Variants in DERA observed in about 807,000 individuals in gnomAD.
DERA encodes the protein deoxyribose-phosphate aldolase.
In DERA, 15 loss-of-function variants were observed where a neutral mutation model predicts 41.1. The ratio of observed to expected loss-of-function variants is 0.37; its 90% CI spans 0.24 to 0.56. The LOEUF (loss-of-function observed/expected upper bound fraction) is 0.56. Ranked by LOEUF, DERA falls within the 20% of genes least tolerant of loss-of-function variation. The pLI is 0.81. For missense variants in DERA, 396 were observed against 403.4 expected, an observed-to-expected ratio of 0.98 and a Z score of 0.16; for synonymous variants, 139 against 137.4, an observed-to-expected ratio of 1.01 and a Z score of -0.08.
In DERA at chr12:16,013,287, C is replaced by T. The variant is rs1364777971; in HGVS notation, c.638-19255C>T. ...GATATGGTTATGCTTTGTATCCCCA[C>T]CCAAATGTCATCTTGAATTGTAATC... On this transcript the variant is annotated intron_variant, in intron 6 of 8. Coordinates refer to ENST00000428559, the MANE Select transcript of DERA (RefSeq NM_015954.4). The surrounding 1 kb of genome is among the most constrained non-coding windows in gnomAD (Gnocchi z 5.8). Among the ~76,000 whole-genome samples the T allele has an allele frequency of 6.6e-6, 1 of 152,158 alleles. No homozygotes were observed. Among genetic ancestry groups the T allele is most frequent in the East Asian group, 1.9e-4 (1 of 5,198 alleles).
In DERA at chr12:15,957,454, A is replaced by G. The variant is rs1948548563; in HGVS notation, c.129+421A>G. Among the ~76,000 whole-genome samples, 1 of 152,128 alleles carries G rather than the reference A, an allele frequency of 6.6e-6. No homozygotes were observed. The highest frequency in any genetic ancestry group is 2.1e-4 in the South Asian group (1 of 4,824). On this transcript the variant is annotated intron_variant, in intron 2 of 8. Coordinates refer to ENST00000428559, the MANE Select transcript of DERA (RefSeq NM_015954.4). This position sits in a 1 kb window ranked among gnomAD's most constrained non-coding sequence, Gnocchi z 4.8. Reference sequence around the variant, plus strand: ...CTTTCTTGACCATCATATTTACCTTACTATTACTTTCTATAAATCATTTTT... The same window carrying G: ...CTTTCTTGACCATCATATTTACCTTGCTATTACTTTCTATAAATCATTTTT...
At chr12:15,997,836 C>T (rs543899324) in intron 6 of DERA, among the ~76,000 whole-genome samples, 85 of 152,270 alleles carry the variant, frequency 5.6e-4, no homozygotes, top group South Asian at 1.5e-3. Flanking sequence ...TTGCCTTTTC[C>T]CCATTATTTG....
In DERA at chr12:15,936,850, GTTGTC is replaced by G. The variant is rs71438362; in HGVS notation, c.32-20050_32-20046del. Among the ~76,000 whole-genome samples the G allele has an allele frequency of 6.1e-3, 789 of 129,486 alleles. 6 individuals carry two copies. The highest frequency in any genetic ancestry group is 0.011 in the African/African-American group (376 of 34,070). 84.9% of individuals were successfully genotyped at this position (129,486 alleles called of 152,430 possible). On this transcript the variant is annotated intron_variant, in intron 1 of 8. Transcript: ENST00000428559. This position sits in a 1 kb window ranked among gnomAD's most constrained non-coding sequence, Gnocchi z 4.6. ...CTTATTTCTGCATCTTCTGTCTTGTGTTGTCTTGTCTTGTCTTGTCTTGTCTTGTC... is the reference window on the plus strand; with the variant it reads ...CTTATTTCTGCATCTTCTGTCTTGTGTTGTCTTGTCTTGTCTTGTCTTGTC...
chr12:15,941,724 A>G lies in DERA; in HGVS notation c.32-15212A>G, dbSNP rs1371338492. Among the ~76,000 whole-genome samples, 2 of 152,246 alleles carry G rather than the reference A, an allele frequency of 1.3e-5. No individual in the cohort carries two copies. Among genetic ancestry groups the G allele is most frequent in the Non-Finnish European group, 2.9e-5 (2 of 68,048 alleles). On this transcript the variant is annotated intron_variant, in intron 1 of 8. Coordinates refer to ENST00000428559, the MANE Select transcript of DERA (RefSeq NM_015954.4). The surrounding 1 kb of genome is among the most constrained non-coding windows in gnomAD (Gnocchi z 4.5). ...ATTATTTCGTTTCCTTTTATGGCTCAGTACTCCATGATGTATATATACCAC... is the reference window on the plus strand; with the variant it reads ...ATTATTTCGTTTCCTTTTATGGCTCGGTACTCCATGATGTATATATACCAC...
intron 5 of DERA, among the ~76,000 whole-genome samples, chr12:15,968,987 G>A (rs1401332000): frequency 6.6e-6 from 1 of 152,210 alleles, no homozygotes; most frequent in East Asian, 1.9e-4. Context: ...TTACAAATGA[G>A]GGGCTAGGAC....
chr12:15,997,047 G>C (rs1948842956), intron 6 of DERA, among the ~76,000 whole-genome samples: 1 of 152,194 alleles, frequency 6.6e-6, no homozygotes, highest in South Asian at 2.1e-4. Flanking sequence ...TATAGCACAA[G>C]CCAGGAATCA....
At chr12:16,023,547 G>T (rs930813790) in intron 6 of DERA, among the ~76,000 whole-genome samples, 1 of 140,278 alleles carries the variant, frequency 7.1e-6, no homozygotes, top group African/African-American at 2.8e-5. Context: ...GCGGGATCTC[G>T]GCTCACTGCA....
chr12:15,958,354 A>T lies in DERA; in HGVS notation c.277+19A>T. The stretch of plus-strand genomic sequence containing the variant: ...GATAAAGGTAATGTTGTTGTGTGTG[A>T]TCTATGTGGTGTTTAGTGCTTACAA... On this transcript the variant is annotated intron_variant, in intron 3 of 8. Coordinates refer to ENST00000428559, the MANE Select transcript of DERA (RefSeq NM_015954.4). The T allele has an allele frequency of 6.3e-7, 1 of 1,585,150 alleles. No homozygotes were observed. Among genetic ancestry groups the T allele is most frequent in the Non-Finnish European group, 8.6e-7 (1 of 1,167,170 alleles).
chr12:16,007,702 G>T (rs4764240), intron 6 of DERA, among the ~76,000 whole-genome samples: 2 of 151,942 alleles, frequency 1.3e-5, no homozygotes, highest in Non-Finnish European at 2.9e-5. Context: ...CAGGCACATA[G>T]AAAAATTTCT....
In DERA at chr12:15,938,482, T is replaced by G. The variant is rs1482961518; in HGVS notation, c.32-18454T>G. ...AACACAAGTTGAATTATTACTCTGC[T>G]TTAATAAGCTTCTTAGCTGTATCAA... On this transcript the variant is annotated intron_variant, in intron 1 of 8. Coordinates refer to ENST00000428559, the MANE Select transcript of DERA (RefSeq NM_015954.4). The surrounding 1 kb of genome is among the most constrained non-coding windows in gnomAD (Gnocchi z 4.1). Among the ~76,000 whole-genome samples, 1 of 152,210 alleles carries G rather than the reference T, an allele frequency of 6.6e-6. No individual in the cohort carries two copies. Among genetic ancestry groups the G allele is most frequent in the Admixed American group, 6.5e-5 (1 of 15,278 alleles).
Position 15,959,814 on chromosome 12 carries a change from AT to A in DERA, c.278-9del. 6.6e-7 allele frequency: 1 copy of A among 1,523,992 alleles called. No homozygotes were observed. 94.4% of individuals were successfully genotyped at this position (1,523,992 alleles called of 1,614,324 possible). A position where few individuals can be genotyped will look rare whatever the true frequency, so the allele number is the denominator to read the frequency against. ...ACTTCATTGAAAGTTGGCTATTCCT[AT>A]TTTTTCTTGATAGGCATTACTACAG... On this transcript the variant is annotated splice_polypyrimidine_tract_variant and intron_variant, in intron 3 of 8. Coordinates refer to ENST00000428559, the MANE Select transcript of DERA (RefSeq NM_015954.4). The surrounding 1 kb of genome is among the most constrained non-coding windows in gnomAD (Gnocchi z 4.5).
intron 6 of DERA, among the ~76,000 whole-genome samples, chr12:16,015,995 A>G (rs1948979181): frequency 6.6e-6 from 1 of 151,930 alleles, no homozygotes; most frequent in South Asian, 2.1e-4. Context: ...GTTATGGTGA[A>G]CCCTCTTCAG....
chr12:15,981,529 A>G lies in DERA; in HGVS notation c.509-779A>G, dbSNP rs1948732858. 6.6e-6 allele frequency among the ~76,000 whole-genome samples: 1 copy of G among 152,256 alleles called. No homozygotes were observed. Among genetic ancestry groups the G allele is most frequent in the Non-Finnish European group, 1.5e-5 (1 of 68,048 alleles). Reference sequence around the variant, plus strand: ...TGACAAAAGACTTAAATAATTTTTTAAAGATTTAATACACATGATTTTGGT... The same window carrying G: ...TGACAAAAGACTTAAATAATTTTTTGAAGATTTAATACACATGATTTTGGT... On this transcript the variant is annotated intron_variant, in intron 5 of 8. Coordinates refer to ENST00000428559, the MANE Select transcript of DERA (RefSeq NM_015954.4). The surrounding 1 kb of genome is among the most constrained non-coding windows in gnomAD (Gnocchi z 6.1).
intron 1 of DERA, among the ~76,000 whole-genome samples, chr12:15,929,124 C>A (rs1203532373): frequency 6.6e-6 from 1 of 152,192 alleles, no homozygotes; most frequent in Non-Finnish European, 1.5e-5. Flanking sequence ...GAGAATGTCT[C>A]CCAGCAACCA....
At chr12:15,973,744 T>C (rs1180598101) in intron 5 of DERA, among the ~76,000 whole-genome samples, 1 of 152,116 alleles carries the variant, frequency 6.6e-6, no homozygotes, top group Non-Finnish European at 1.5e-5. Context: ...TTTATTAATA[T>C]AGAAATATAT....
intron 6 of DERA, among the ~76,000 whole-genome samples, chr12:16,027,759 CAAT>C (rs1486712807): frequency 2.6e-5 from 4 of 152,050 alleles, no homozygotes; most frequent in Admixed American, 6.6e-5. Flanking sequence ...GTTACAACAA[CAAT>C]AAGAAACAGG....
Position 15,941,236 on chromosome 12 carries a change from TTG to T in DERA, c.32-15696_32-15695del, listed in dbSNP as rs1459705452. Among the ~76,000 whole-genome samples, 1 of 152,164 alleles carries T rather than the reference TTG, an allele frequency of 6.6e-6. No individual in the cohort carries two copies. The highest frequency in any genetic ancestry group is 1.5e-5 in the Non-Finnish European group (1 of 68,020). Reference sequence around the variant, plus strand: ...CCTACTGACTGTGGGTGTTGTGTGTTTGTGTCTCTTGCATGATTGAGCTCAGG... The same window carrying T: ...CCTACTGACTGTGGGTGTTGTGTGTTTGTCTCTTGCATGATTGAGCTCAGG... On this transcript the variant is annotated intron_variant, in intron 1 of 8. Transcript: ENST00000428559. This position sits in a 1 kb window ranked among gnomAD's most constrained non-coding sequence, Gnocchi z 4.5.
chr12:15,912,787 A>C (rs1449618401), intron 1 of DERA, among the ~76,000 whole-genome samples: 2 of 152,234 alleles, frequency 1.3e-5, no homozygotes, highest in African/African-American at 2.4e-5. Context: ...ACTGGTACTT[A>C]AACAGTCTGC....
rs1948525653 is a variant in DERA at position 15,954,842 on chromosome 12, T to G, written c.32-2094T>G. ...GATAAAGGACAGCCTGTCAAAGCCTTGCCCCACTGAGTAATAGGCCTACCT... is the reference window on the plus strand; with the variant it reads ...GATAAAGGACAGCCTGTCAAAGCCTGGCCCCACTGAGTAATAGGCCTACCT... On this transcript the variant is annotated intron_variant, in intron 1 of 8. Transcript: ENST00000428559. The surrounding 1 kb of genome is among the most constrained non-coding windows in gnomAD (Gnocchi z 4.0). Among the ~76,000 whole-genome samples, 1 of 152,170 alleles carries G rather than the reference T, an allele frequency of 6.6e-6. No homozygotes were observed. Among genetic ancestry groups the G allele is most frequent in the Admixed American group, 6.5e-5 (1 of 15,270 alleles).
Sources: allele counts gnomAD v4.1 joint callset (sites outside exome capture counted in the v4.1 genomes callset), GRCh38; gene constraint gnomAD v4.1.1; non-coding constraint Gnocchi (gnomAD v3.1); transcripts MANE v1.5; gene names NCBI Gene and HGNC (gene_info 2026-07-23, HGNC 2026-07-21).